PLD2: variants seen among roughly 807,000 people sequenced by gnomAD.
PLD2 encodes the protein choline phosphatase 2.
In PLD2, 101 loss-of-function variants were observed where a neutral mutation model predicts 119.8. That is an observed-to-expected ratio of 0.84 (90% CI 0.72 to 0.99). PLD2 has a LOEUF of 0.99. Ranked by LOEUF, PLD2 falls within the 50% of genes least tolerant of loss-of-function variation. The pLI is 0.00. For missense variants in PLD2, 1,164 were observed against 1,226.8 expected, an observed-to-expected ratio of 0.95 and a Z score of 0.76; for synonymous variants, 494 against 482.8, an observed-to-expected ratio of 1.02 and a Z score of -0.30.
rs367595923 is a variant in PLD2 at position 4,809,192 on chromosome 17, C to T, written c.476C>T (p.Ala159Val). 2 of 1,613,944 alleles carry T rather than the reference C, an allele frequency of 1.2e-6. No homozygotes were observed. The highest frequency in any genetic ancestry group is 1.7e-6 in the Non-Finnish European group (2 of 1,179,888). The change falls in exon 5 of 25, where the codon GCA becomes GTA. Residue 159 changes from alanine to valine, a missense_variant. By Grantham distance (64) the Ala-to-Val change is moderately conservative. Coordinates refer to ENST00000263088, the MANE Select transcript of PLD2 (RefSeq NM_002663.5). ...RAGPEGSTRH[A>V]ASKQKYLENY... ...GGTCCTGAGGGCTCCACCAGACATG[C>T]AGCCAGCAAACAGGTGGGACCAGAT...
intron 10 of PLD2, among the ~76,000 whole-genome samples, chr17:4,811,368 C>T (rs1255146156): frequency 1.3e-5 from 2 of 148,656 alleles, no homozygotes; most frequent in Non-Finnish European, 3.0e-5. Flanking sequence ...CCTCCGCCTC[C>T]CAGGTTCAAG....
intron 23 of PLD2, among the ~76,000 whole-genome samples, chr17:4,820,947 C>A (rs1331805715): frequency 7.2e-6 from 1 of 139,308 alleles, no homozygotes; most frequent in African/African-American, 2.7e-5. Context: ...CTGTCACCCA[C>A]GCTGGAGTGC....
chr17:4,816,775 G>A (rs368853227), intron 15 of PLD2, 29 bp downstream of exon 15: 334 of 1,614,004 alleles, frequency 2.1e-4, no homozygotes, highest in Non-Finnish European at 2.7e-4. Flanking sequence ...CAAAGCCCCA[G>A]AGAGCTGAGA....
Position 4,814,708 on chromosome 17 carries a change from G to A in PLD2, c.1170G>A (p.Lys390=). 6.2e-7 allele frequency: 1 copy of A among 1,614,040 alleles called. No homozygotes were observed. Among genetic ancestry groups the A allele is most frequent in the Admixed American group, 1.7e-5 (1 of 59,982 alleles). ...GACTGGACATTATGCTCAAGAGGAA[G>A]GCGGTGAGGAGAGTGGTCAGGCCGC... The part of the protein sequence containing the change: ...DWRLDIMLKR[K]AEEGVRVSIL... Residue 390 remains lysine, a synonymous_variant, in exon 12 of 25, where the codon AAG becomes AAA. Transcript: ENST00000263088.
At position 4,807,974 on chromosome 17, in the gene PLD2, T is replaced by G; in HGVS notation, c.110-10T>G. On this transcript the variant is annotated splice_polypyrimidine_tract_variant and intron_variant, in intron 2 of 24. Coordinates refer to ENST00000263088, the MANE Select transcript of PLD2 (RefSeq NM_002663.5). This position sits in a 1 kb window ranked among gnomAD's most constrained non-coding sequence, Gnocchi z 5.4. ...TGTGGTCTACACTCCTCGACTTTCT[T>G]TCCTCCCAGCCGACCGGATGCACCC... 1 of 1,606,508 alleles carries G rather than the reference T, an allele frequency of 6.2e-7. No homozygotes were observed. Among genetic ancestry groups the G allele is most frequent in the Non-Finnish European group, 8.5e-7 (1 of 1,173,866 alleles).
Position 4,822,650 on chromosome 17 carries a change from G to A in PLD2, c.2588G>A (p.Cys863Tyr), listed in dbSNP as rs1247105391. 2 of 1,605,934 alleles carry A rather than the reference G, an allele frequency of 1.2e-6. No homozygotes were observed. Among genetic ancestry groups the A allele is most frequent in the Admixed American group, 1.7e-5 (1 of 59,836 alleles). Residue 863 changes from cysteine to tyrosine, a missense_variant, in exon 25 of 25, where the codon TGC (cysteine) becomes TAC (tyrosine). Physicochemically the swap from Cys to Tyr is radical, Grantham distance 194 (BLOSUM62 -2). Transcript: ENST00000263088. ...NANIYEQIFRCLPSNATRSLR... is the reference protein window; with the variant it reads ...NANIYEQIFRYLPSNATRSLR... Reference sequence around the variant, plus strand: ...TGCCCCCGCCCACAGATCTTCCGCTGCCTGCCATCCAATGCCACGCGTTCC... The same window carrying A: ...TGCCCCCGCCCACAGATCTTCCGCTACCTGCCATCCAATGCCACGCGTTCC...
intron 6 of PLD2, 51 bp downstream of exon 6, chr17:4,809,414 G>T (rs563343993): frequency 1.2e-6 from 2 of 1,612,306 alleles, no homozygotes; most frequent in Admixed American, 3.3e-5. Flanking sequence ...TCAGACCCTC[G>T]GGGAGGAGGG....
chr17:4,815,484 T>C lies in PLD2; in HGVS notation c.1182T>C (p.Gly394=). ...CCCCAACTCACCACCAGGAGGAGGG[T>C]GTCCGTGTGTCTATTCTGCTGTTTA... ...DIMLKRKAEE[G]VRVSILLFKE... Residue 394 remains glycine (G), a synonymous_variant, in exon 13 of 25, where the codon GGT becomes GGC. Coordinates refer to ENST00000263088, the MANE Select transcript of PLD2 (RefSeq NM_002663.5). The C allele has an allele frequency of 1.2e-6, 2 of 1,605,666 alleles. No individual in the cohort carries two copies. Among genetic ancestry groups the C allele is most frequent in the South Asian group, 1.1e-5 (1 of 90,908 alleles).
rs111480462 is a variant in PLD2 at position 4,807,617 on chromosome 17, G to C, written c.-1-155G>C. 1.3e-3 allele frequency: 756 copies of C among 573,706 alleles called. 5 individuals are homozygous for C. The highest frequency in any genetic ancestry group is 0.013 in the African/African-American group (677 of 53,550). The allele number at this position is 573,706 out of a possible 1,614,324, so 35.5% of individuals were successfully genotyped here. ...GGGATGGGGGCTCGAAGGGGTCGGTGGGGCGTTGCAAACTGGTCAGGCGTC... is the reference window on the plus strand; with the variant it reads ...GGGATGGGGGCTCGAAGGGGTCGGTCGGGCGTTGCAAACTGGTCAGGCGTC... On this transcript the variant is annotated intron_variant, in intron 1 of 24. Transcript: ENST00000263088. This position sits in a 1 kb window ranked among gnomAD's most constrained non-coding sequence, Gnocchi z 5.4.
At position 4,809,949 on chromosome 17, in the gene PLD2, CTT is replaced by C; in HGVS notation, c.782_783del (p.Phe261Ter). 1.9e-6 allele frequency: 3 copies of C among 1,614,160 alleles called. No individual in the cohort carries two copies. The highest frequency in any genetic ancestry group is 2.5e-6 in the Non-Finnish European group (3 of 1,180,028). ...CAGGTGCCATCTCATTTGTTCAGCT[CTT>C]TGACCCTGGCTTTGAGGTGCAAGTG... ...ETGAISFVQL[F>X]DPGFEVQVGK... On this transcript the variant is annotated frameshift_variant, in exon 9 of 25. Transcript: ENST00000263088. LOFTEE classifies it high-confidence loss of function.
rs771091122 is a variant in PLD2, at chr17:4,817,265, G to GC, written c.1815+12dup. 1.0e-5 allele frequency: 16 copies of GC among 1,572,788 alleles called. No homozygotes were observed. Among genetic ancestry groups the GC allele is most frequent in the African/African-American group, 1.3e-5 (1 of 74,224 alleles). On this transcript the variant is annotated splice_region_variant and intron_variant, in intron 17 of 24. Coordinates refer to ENST00000263088, the MANE Select transcript of PLD2 (RefSeq NM_002663.5). ...GGCAGTGCACCACCGTACAGGTGAG[G>GC]CCCCCCACTTCAGCCAGCCCTCCCC...
Position 4,807,826 on chromosome 17 carries a change from C to A in PLD2, c.54C>A (p.Ser18Arg). ...CCACTGGGGACGAACTGGACTCCAG[C>A]CAGCTCCAGATGGAGTCCGATGAGG... ...LFPTGDELDS[S>R]QLQMESDEVD... is the part of the protein sequence containing the mutation. The change falls in exon 2 of 25, where the codon AGC (serine) becomes AGA (arginine). Residue 18 changes from serine (S) to arginine (R), a missense_variant. Physicochemically the swap from Ser to Arg is moderately radical, Grantham distance 110. Coordinates refer to ENST00000263088, the MANE Select transcript of PLD2 (RefSeq NM_002663.5). The surrounding 1 kb of genome is among the most constrained non-coding windows in gnomAD (Gnocchi z 5.4). 6.2e-7 allele frequency: 1 copy of A among 1,612,964 alleles called. No individual in the cohort carries two copies. Among genetic ancestry groups the A allele is most frequent in the Non-Finnish European group, 8.5e-7 (1 of 1,179,682 alleles).
Position 4,819,387 on chromosome 17 carries a change from G to A in PLD2, c.2309-42G>A, listed in dbSNP as rs1290149595. ...GAGGGGATGGGGTACTGGGGAGAGT[G>A]CCCTGGGCCCAAGCACACAGTGTGC... On this transcript the variant is annotated intron_variant, in intron 22 of 24. Coordinates refer to ENST00000263088, the MANE Select transcript of PLD2 (RefSeq NM_002663.5). This position sits in a 1 kb window ranked among gnomAD's most constrained non-coding sequence, Gnocchi z 4.2. The A allele has an allele frequency of 2.5e-6, 4 of 1,609,910 alleles. No individual in the cohort carries two copies. The highest frequency in any genetic ancestry group is 1.7e-6 in the Non-Finnish European group (2 of 1,178,004).
At chr17:4,822,508 G>A (rs1226681623) in intron 24 of PLD2, 132 bp from the exon 25 acceptor site, 15 of 593,134 alleles carry the variant, frequency 2.5e-5, no homozygotes, top group Non-Finnish European at 3.8e-5. Flanking sequence ...AAAAAAGAGA[G>A]AGAGAGTTAG....
At chr17:4,821,738 C>T in intron 23 of PLD2, 55 bp from the exon 24 acceptor site, 1 of 1,278,480 alleles carries the variant, frequency 7.8e-7, no homozygotes, top group Non-Finnish European at 1.1e-6. Context: ...TTTTCTGGTA[C>T]TCAGGTTCTC....
intron 18 of PLD2, 26 bp from the exon 19 acceptor site, chr17:4,818,270 GA>G: frequency 6.3e-7 from 1 of 1,596,174 alleles, no homozygotes; most frequent in African/African-American, 1.3e-5. Context: ...CCAGGCTGCT[GA>G]TGTCTGTCTC....
intron 10 of PLD2, among the ~76,000 whole-genome samples, chr17:4,812,587 C>T (rs951077275): frequency 6.6e-6 from 1 of 152,108 alleles, no homozygotes; most frequent in Admixed American, 6.6e-5. Flanking sequence ...GCCACTGCAC[C>T]TGGCTATAAA....
chr17:4,818,994 G>A (rs1363363366), intron 21 of PLD2, 90 bp from the exon 22 acceptor site: 1 of 1,560,248 alleles, frequency 6.4e-7, no homozygotes. Context: ...CAGACTCTAT[G>A]TAGGAAGAGT....
chr17:4,809,116 T>C lies in PLD2; in HGVS notation c.400T>C (p.Ser134Pro), dbSNP rs759915138. ...LPLARFAVAY[S>P]PARDAGNREM... is the part of the protein sequence containing the mutation. ...TTTCCACAGATTTGCCGTTGCCTAT[T>C]CTCCAGCCCGAGATGCAGGCAACAG... The change falls in exon 5 of 25, where the codon TCT becomes CCT. Residue 134 changes from serine (S) to proline (P), a missense_variant. Transcript: ENST00000263088. 6 of 1,613,840 alleles carry C rather than the reference T, an allele frequency of 3.7e-6. No homozygotes were observed. The African/African-American group carries it at 8.0e-5, about 22-fold the overall frequency.
Sources: gnomAD v4.1 joint callset for allele counts (sites outside exome capture counted in the v4.1 genomes callset) on GRCh38, gnomAD v4.1.1 for gene constraint, Gnocchi (gnomAD v3.1) non-coding constraint, MANE v1.5 for transcripts, NCBI Gene and HGNC (gene_info 2026-07-23, HGNC 2026-07-21) for gene names.